Variants in PWWP2B observed in about 807,000 individuals in gnomAD.
PWWP2B encodes PWWP domain-containing protein 2B.
A neutral mutation model predicts 15.5 loss-of-function variants in PWWP2B; 9 were observed. That is an observed-to-expected ratio of 0.58 (90% CI 0.35 to 1.02). PWWP2B has a LOEUF of 1.02. Ranked by LOEUF, PWWP2B falls within the 50% of genes least tolerant of loss-of-function variation. The pLI, the probability that PWWP2B is intolerant of heterozygous loss-of-function variation, is 0.02. For missense variants in PWWP2B, 864 were observed against 865.3 expected (o/e 1.00, Z 0.02); for synonymous variants, 474 against 403.6 (o/e 1.17, Z -2.09).
chr10:132,404,634 T>C lies in PWWP2B; in HGVS notation c.134T>C (p.Leu45Pro), dbSNP rs2069657147. 1.2e-6 allele frequency: 2 copies of C among 1,612,704 alleles called. No homozygotes were observed. Among genetic ancestry groups the C allele is most frequent in the African/African-American group, 2.7e-5 (2 of 74,842 alleles). Residue 45 changes from leucine (L) to proline (P), a missense_variant, in exon 2 of 3, where the codon CTC becomes CCC. By Grantham distance (98) the Leu-to-Pro change is moderately conservative (BLOSUM62 -3). Transcript: ENST00000305233. ...ILLDCTKKSG[L>P]FGLPPLAPLP... is the part of the protein sequence containing the mutation. ...TCTCTCTCCATTGCCAGGTCCGGCC[T>C]CTTTGGCCTACCCCCGTTGGCTCCG...
chr10:132,402,142 G>A (rs1384661031), intron 1 of PWWP2B, among the ~76,000 whole-genome samples: 1 of 152,206 alleles, frequency 6.6e-6, no homozygotes, highest in East Asian at 1.9e-4. Context: ...CCACCCATTT[G>A]ATCTGCCTGG....
intron 2 of PWWP2B, 31 bp from the exon 3 acceptor site, chr10:132,417,030 A>G (rs761585647): frequency 5.0e-6 from 8 of 1,613,056 alleles, no homozygotes; most frequent in Admixed American, 3.3e-5. Flanking sequence ...ACCCTGAGTT[A>G]AATCTCTGCC....
At chr10:132,399,811 T>C (rs1418083646) in intron 1 of PWWP2B, among the ~76,000 whole-genome samples, 1 of 152,172 alleles carries the variant, frequency 6.6e-6, no homozygotes, top group Non-Finnish European at 1.5e-5. Flanking sequence ...TTGGGTGGGG[T>C]GGCCCTGGCT....
intron 1 of PWWP2B, among the ~76,000 whole-genome samples, chr10:132,404,005 TCCAGGGCTCCTGCAGGACGGCATTC>T (rs1442308700): frequency 3.7e-5 from 1 of 26,766 alleles, no homozygotes; most frequent in African/African-American, 1.3e-4. Context: ...GACGGCATTC[TCCAGGGCTCCTGCAGGACGGCATTC>T]TCCAGGGCTC....
At position 132,405,784 on chromosome 10, in the gene PWWP2B, G is replaced by A. The variant is rs1236513999; in HGVS notation, c.1284G>A (p.Leu428=). 1 of 1,607,280 alleles carries A rather than the reference G, an allele frequency of 6.2e-7. No individual in the cohort carries two copies. Among genetic ancestry groups the A allele is most frequent in the Admixed American group, 1.7e-5 (1 of 60,016 alleles). ...AGTCGGCGTGCAGCAGCGACAGCCTGGACGAGGCCAGATCGTCCGGCTCGG... is the reference window on the plus strand; with the variant it reads ...AGTCGGCGTGCAGCAGCGACAGCCTAGACGAGGCCAGATCGTCCGGCTCGG... ...ASESACSSDS[L]DEARSSGSEG... is the part of the protein sequence containing the mutation. The change falls in exon 2 of 3, where the codon CTG becomes CTA. Residue 428 remains leucine, a synonymous_variant. Transcript: ENST00000305233.
At chr10:132,399,629 A>G (rs1022262297) in intron 1 of PWWP2B, among the ~76,000 whole-genome samples, 2 of 152,166 alleles carry the variant, frequency 1.3e-5, no homozygotes, top group African/African-American at 2.4e-5. Context: ...TTCACTGCAC[A>G]CCTACTGTGT....
chr10:132,404,839 C>A lies in PWWP2B; in HGVS notation c.339C>A (p.Ser113Arg). The change falls in exon 2 of 3, where the codon AGC (serine) becomes AGA (arginine). Residue 113 changes from serine to arginine, a missense_variant. This residue lies in a region of PWWP2B where 736 missense variants were observed against 687.7 expected (regional missense o/e 1.07). Transcript: ENST00000305233. ...PPLVPPLPAGSLPPYPPYFEG... is the reference protein window; with the variant it reads ...PPLVPPLPAGRLPPYPPYFEG... ...TCGTGCCGCCGCTGCCCGCCGGAAG[C>A]CTGCCCCCGTACCCTCCCTACTTCG... The A allele has an allele frequency of 6.4e-7, 1 of 1,571,702 alleles. No individual in the cohort carries two copies. The highest frequency in any genetic ancestry group is 1.1e-5 in the South Asian group (1 of 89,712).
At chr10:132,414,659 T>C (rs1411587497) in intron 2 of PWWP2B, among the ~76,000 whole-genome samples, 1 of 152,260 alleles carries the variant, frequency 6.6e-6, no homozygotes, top group Non-Finnish European at 1.5e-5. Context: ...GTTTGCCTTG[T>C]TACAGCTGCC....
At chr10:132,398,199 G>A (rs1047077336) in intron 1 of PWWP2B, among the ~76,000 whole-genome samples, 4 of 152,272 alleles carry the variant, frequency 2.6e-5, no homozygotes, top group African/African-American at 9.6e-5. Flanking sequence ...TCCATCCGTG[G>A]AGCCCAGATT....
intron 2 of PWWP2B, among the ~76,000 whole-genome samples, chr10:132,415,560 AACAC>A (rs1003169533): frequency 3.1e-5 from 3 of 96,480 alleles, no homozygotes; most frequent in Non-Finnish European, 4.4e-5. Context: ...CATTCACACA[AACAC>A]ACATACACAC....
rs758503677 is a variant in PWWP2B, at chr10:132,405,623, G to T, written c.1123G>T (p.Gly375Cys). The change falls in exon 2 of 3, where the codon GGT (glycine) becomes TGT (cysteine). Residue 375 changes from glycine (G) to cysteine (C), a missense_variant. Coordinates refer to ENST00000305233, the MANE Select transcript of PWWP2B (RefSeq NM_138499.4). ...SPAPCADGPA[G>C]GLADLSSGSS... is the part of the protein sequence containing the mutation. The stretch of plus-strand genomic sequence containing the variant: ...GGCGCCCTGTGCGGACGGCCCTGCC[G>T]GTGGGCTGGCGGACTTGTCTTCTGG... 1 of 1,612,190 alleles carries T rather than the reference G, an allele frequency of 6.2e-7. No homozygotes were observed. The highest frequency in any genetic ancestry group is 8.5e-7 in the Non-Finnish European group (1 of 1,179,858).
In PWWP2B at chr10:132,397,298, G is replaced by T; in HGVS notation, c.72G>T (p.Thr24=). 1 of 1,428,248 alleles carries T rather than the reference G, an allele frequency of 7.0e-7. No individual in the cohort carries two copies. The highest frequency in any genetic ancestry group is 2.9e-5 in the East Asian group (1 of 34,686). The allele number at this position is 1,428,248 out of a possible 1,614,324, so 88.5% of individuals were successfully genotyped here. ...EQVVNGALVV[T]VSCGERSFAG... ...TCGTCAACGGCGCGCTGGTGGTCAC[G>T]GTGAGCTGCGGCGAGCGGAGCTTCG... is the stretch of plus-strand genomic sequence containing the variant. Residue 24 remains threonine, a synonymous_variant, in exon 1 of 3, where the codon ACG becomes ACT. Coordinates refer to ENST00000305233, the MANE Select transcript of PWWP2B (RefSeq NM_138499.4).
chr10:132,405,468 C>A lies in PWWP2B; in HGVS notation c.968C>A (p.Pro323Gln), dbSNP rs772267161. The change falls in exon 2 of 3, where the codon CCG becomes CAG. Residue 323 changes from proline to glutamine, a missense_variant. Pro to Gln is a moderately conservative substitution (Grantham distance 76). Coordinates refer to ENST00000305233, the MANE Select transcript of PWWP2B (RefSeq NM_138499.4). Reference protein sequence around the residue: ...IPKLKLTRPVPAGADLPPPKI... With the variant: ...IPKLKLTRPVQAGADLPPPKI... ...AAGTTGAAACTGACACGGCCTGTGC[C>A]GGCCGGCGCGGACCTGCCGCCCCCT... is the stretch of plus-strand genomic sequence containing the variant. The A allele has an allele frequency of 2.5e-6, 4 of 1,605,936 alleles. No individual in the cohort carries two copies. Among genetic ancestry groups the A allele is most frequent in the Middle Eastern group, 1.7e-4 (1 of 6,058 alleles).
intron 1 of PWWP2B, among the ~76,000 whole-genome samples, chr10:132,397,939 A>G (rs2069560502): frequency 6.6e-6 from 1 of 151,434 alleles, no homozygotes; most frequent in Non-Finnish European, 1.5e-5. Flanking sequence ...ATCCCCCGGG[A>G]GCCCTGGCTT....
At chr10:132,403,185 G>A (rs572771277) in intron 1 of PWWP2B, among the ~76,000 whole-genome samples, 1 of 152,200 alleles carries the variant, frequency 6.6e-6, no homozygotes, top group African/African-American at 2.4e-5. Flanking sequence ...AGAATGGGGC[G>A]GGTGGCGCTC....
chr10:132,401,977 G>A (rs745432710), intron 1 of PWWP2B, among the ~76,000 whole-genome samples: 20 of 152,222 alleles, frequency 1.3e-4, no homozygotes, highest in South Asian at 2.1e-4. Context: ...GCTGGGGTGC[G>A]GCCTGGGCAG....
At chr10:132,415,444 CT>C (rs2069835674) in intron 2 of PWWP2B, among the ~76,000 whole-genome samples, 1 of 120,990 alleles carries the variant, frequency 8.3e-6, no homozygotes, top group African/African-American at 3.5e-5. Flanking sequence ...CACTCTCACA[CT>C]CACATCCACT....
At chr10:132,400,280 G>T (rs1025863450) in intron 1 of PWWP2B, among the ~76,000 whole-genome samples, 9 of 152,142 alleles carry the variant, frequency 5.9e-5, no homozygotes, top group Non-Finnish European at 1.0e-4. Context: ...GCTGGTCTTC[G>T]GAGCGTCTCG....
chr10:132,407,238 G>A (rs1564875750), intron 2 of PWWP2B, among the ~76,000 whole-genome samples: 2 of 152,308 alleles, frequency 1.3e-5, no homozygotes, highest in Admixed American at 1.3e-4. Context: ...TTCCCAGCAG[G>A]AGAAGGCAGG....
Sources: gnomAD v4.1 joint callset for allele counts (sites outside exome capture counted in the v4.1 genomes callset) on GRCh38, gnomAD v4.1.1 for gene constraint, gnomAD v4.1.1 regional missense constraint, MANE v1.5 for transcripts, NCBI Gene and HGNC (gene_info 2026-07-23, HGNC 2026-07-21) for gene names.